TARS1: variants seen among roughly 807,000 people sequenced by gnomAD.
TARS1 encodes the protein threonyl-tRNA synthetase 1, also known as threonine--tRNA ligase 1, cytoplasmic.
A neutral mutation model predicts 97.7 loss-of-function variants in TARS1; 57 were observed. That is an observed-to-expected ratio of 0.58 (90% CI 0.47 to 0.73). The LOEUF (loss-of-function observed/expected upper bound fraction) is 0.73, where lower values mean the gene tolerates loss of function less well. TARS1 is among the 30% of genes least tolerant of loss of function. The probability of loss-of-function intolerance (pLI) is 0.00; values close to 1 mark genes in which losing one functional copy is unlikely to be tolerated. For synonymous variants in TARS1, 312 were observed against 293.7 expected (o/e 1.06, Z -0.64); for missense variants, 806 against 888.3 (o/e 0.91, Z 1.18).
chr5:33,454,285 A>C (rs560647453), intron 4 of TARS1, among the ~76,000 whole-genome samples: 1 of 152,284 alleles, frequency 6.6e-6, no homozygotes, highest in East Asian at 1.9e-4. Context: ...AGTGGTTTTC[A>C]AATGTATTTT....
chr5:33,460,981 G>C lies in TARS1; in HGVS notation c.1330G>C (p.Glu444Gln). ...LADFGVLHRN[E>Q]LSGALTGLTR... ...TGATTTTGGGGTACTTCATAGGAAC[G>C]AGCTGTCTGGAGCACTCACAGGACT... The change falls in exon 12 of 19, where the codon GAG (glutamate) becomes CAG (glutamine). Residue 444 changes from glutamate to glutamine, a missense_variant. Glu to Gln is a conservative substitution (Grantham distance 29). Coordinates refer to ENST00000265112, the MANE Select transcript of TARS1 (RefSeq NM_152295.5). 1 of 1,614,076 alleles carries C rather than the reference G, an allele frequency of 6.2e-7. No individual in the cohort carries two copies. Among genetic ancestry groups the C allele is most frequent in the Non-Finnish European group, 8.5e-7 (1 of 1,180,018 alleles).
At chr5:33,446,483 A>G (rs912200807) in intron 2 of TARS1, 12 of 387,904 alleles carry the variant, frequency 3.1e-5, no homozygotes, top group East Asian at 2.9e-4. Context: ...GACAAAGAGT[A>G]TAATTAGAAG....
chr5:33,458,119 C>T (rs1305736366), intron 9 of TARS1, among the ~76,000 whole-genome samples: 3 of 152,158 alleles, frequency 2.0e-5, no homozygotes, highest in Non-Finnish European at 4.4e-5. Flanking sequence ...CAAAGTCAGC[C>T]AACTTTACCA....
Position 33,449,314 on chromosome 5 carries a change from T to C in TARS1, c.329+583T>C, listed in dbSNP as rs1050723091. Among the ~76,000 whole-genome samples the C allele has an allele frequency of 8.4e-5, 12 of 142,994 alleles. 1 individual carries two copies. The highest frequency in any genetic ancestry group is 1.3e-4 in the African/African-American group (5 of 37,194). 93.8% of individuals were successfully genotyped at this position (142,994 alleles called of 152,430 possible). A position where few individuals can be genotyped will look rare whatever the true frequency, so the allele number is the denominator to read the frequency against. ...AATAAGAGTTGGTAAAACATATATA[T>C]GTGTATATATATACGCGTATATATA... On this transcript the variant is annotated intron_variant, in intron 3 of 18. Coordinates refer to ENST00000265112, the MANE Select transcript of TARS1 (RefSeq NM_152295.5).
intron 9 of TARS1, 40 bp from the exon 10 acceptor site, chr5:33,458,526 G>A (rs566059933): frequency 5.2e-6 from 8 of 1,546,532 alleles, no homozygotes; most frequent in South Asian, 4.5e-5. Context: ...ACACGTATAC[G>A]TGACGTACAT....
At chr5:33,445,790 GA>G (rs1040543448) in intron 2 of TARS1, among the ~76,000 whole-genome samples, 1 of 152,166 alleles carries the variant, frequency 6.6e-6, no homozygotes, top group African/African-American at 2.4e-5. Flanking sequence ...TGAATACAAT[GA>G]AAACCAAAGA....
In TARS1 at chr5:33,461,044, A is replaced by T. The variant is rs1412444954; in HGVS notation, c.1393A>T (p.Ile465Leu). 6.2e-7 allele frequency: 1 copy of T among 1,614,168 alleles called. No individual in the cohort carries two copies. ...AAGATTCCAACAGGATGATGCTCAC[A>T]TATTCTGTGCCATGGAGCAGGTATG... ...VRRFQQDDAH[I>L]FCAMEQIEDE... Residue 465 changes from isoleucine to leucine, a missense_variant, in exon 12 of 19, where the codon ATA becomes TTA. Physicochemically the swap from Ile to Leu is conservative, Grantham distance 5. Around this residue, in one of 3 missense-constraint regions of TARS1, gnomAD observed 446 missense variants for 511.0 expected, o/e 0.87. Coordinates refer to ENST00000265112, the MANE Select transcript of TARS1 (RefSeq NM_152295.5).
At position 33,458,544 on chromosome 5, in the gene TARS1, C is replaced by A. The variant is rs372948637; in HGVS notation, c.985-22C>A. ...CGTATACGTGACGTACATAAACATT[C>A]TTTTGCTTTTCTTTTACCCAGGACC... is the stretch of plus-strand genomic sequence containing the variant. On this transcript the variant is annotated intron_variant, in intron 9 of 18. Transcript: ENST00000265112. The A allele has an allele frequency of 5.0e-6, 8 of 1,598,844 alleles. No homozygotes were observed. The East Asian group carries it at 6.7e-5, about 13-fold the overall frequency.
intron 9 of TARS1, 50 bp downstream of exon 9, chr5:33,457,453 T>C: frequency 6.3e-7 from 1 of 1,575,062 alleles, no homozygotes; most frequent in South Asian, 1.2e-5. Flanking sequence ...TTCAACTTCA[T>C]TTGAAGTTTG....
chr5:33,451,215 C>T (rs1230654481), intron 3 of TARS1, among the ~76,000 whole-genome samples: 1 of 152,090 alleles, frequency 6.6e-6, no homozygotes, highest in Non-Finnish European at 1.5e-5. Flanking sequence ...GAAATTTTTA[C>T]AAAAGTCCAG....
chr5:33,445,475 C>G (rs561544600), intron 2 of TARS1, 71 bp downstream of exon 2: 66 of 1,328,848 alleles, frequency 5.0e-5, no homozygotes, highest in Non-Finnish European at 7.1e-5. Context: ...CTGAGACTTT[C>G]CTAATGTGTA....
At chr5:33,457,601 G>T (rs552730316) in intron 9 of TARS1, among the ~76,000 whole-genome samples, 198 bp downstream of exon 9, 148 of 152,252 alleles carry the variant, frequency 9.7e-4, no homozygotes, top group African/African-American at 3.5e-3. Flanking sequence ...GCTCAGTACC[G>T]CACAAAAATG....
intron 17 of TARS1, among the ~76,000 whole-genome samples, chr5:33,464,113 A>G (rs1294838706): frequency 6.6e-6 from 1 of 152,204 alleles, no homozygotes; most frequent in Non-Finnish European, 1.5e-5. Context: ...GTGCAGTAGT[A>G]CAGTCATGGC....
chr5:33,443,315 CT>C (rs1318223270), intron 1 of TARS1, among the ~76,000 whole-genome samples: 5 of 122,416 alleles, frequency 4.1e-5, no homozygotes, highest in African/African-American at 1.7e-4. Context: ...CCCTCTCTCT[CT>C]CTCCCTCTCT....
Position 33,445,368 on chromosome 5 carries a change from G to A in TARS1, c.102G>A (p.Lys34=). The change falls in exon 2 of 19, where the codon AAG becomes AAA. Residue 34 remains lysine (K), a synonymous_variant. Coordinates refer to ENST00000265112, the MANE Select transcript of TARS1 (RefSeq NM_152295.5). ...AGCAAAAGGAAGGAGGCAAAAAGAA[G>A]AACAAAGAAGGATCTGGAGATGGAG... ...EEKQKEGGKK[K]NKEGSGDGGR... The A allele has an allele frequency of 6.2e-7, 1 of 1,613,334 alleles. No individual in the cohort carries two copies. The highest frequency in any genetic ancestry group is 8.5e-7 in the Non-Finnish European group (1 of 1,179,520).
At chr5:33,467,457 G>T (rs1742580669) in intron 18 of TARS1, 103 bp from the exon 19 acceptor site, 6 of 1,299,856 alleles carry the variant, frequency 4.6e-6, no homozygotes, top group Non-Finnish European at 5.2e-6. Context: ...CAGAAGCTAT[G>T]GGGTAGGTTT....
At position 33,467,933 on chromosome 5, in the gene TARS1, C is replaced by G; in HGVS notation, c.*225C>G. ...AGCCAATAAAATGATTTTACTCATT[C>G]AGTATCTGAGTACTGGAAGTGAAAC... On this transcript the variant is annotated 3_prime_UTR_variant, in exon 19 of 19. Coordinates refer to ENST00000265112, the MANE Select transcript of TARS1 (RefSeq NM_152295.5). 2.3e-6 allele frequency: 1 copy of G among 444,414 alleles called. No individual in the cohort carries two copies. The highest frequency in any genetic ancestry group is 3.8e-5 in the East Asian group (1 of 26,644). 27.5% of individuals were successfully genotyped at this position (444,414 alleles called of 1,614,324 possible). A position where few individuals can be genotyped will look rare whatever the true frequency, so the allele number is the denominator to read the frequency against.
At chr5:33,461,125 C>G in intron 12 of TARS1, 33 bp from the exon 13 acceptor site, 1 of 1,602,786 alleles carries the variant, frequency 6.2e-7, no homozygotes. Flanking sequence ...AGGAAAATAA[C>G]TACTGTTTCT....
intron 5 of TARS1, 83 bp downstream of exon 5, chr5:33,455,149 G>A: frequency 6.6e-7 from 1 of 1,524,170 alleles, no homozygotes; most frequent in East Asian, 2.3e-5. Flanking sequence ...AGTAAGGGAG[G>A]AATGATATAG....
Sources: gnomAD v4.1 joint callset for allele counts (sites outside exome capture counted in the v4.1 genomes callset) on GRCh38, gnomAD v4.1.1 for gene constraint, gnomAD v4.1.1 regional missense constraint, MANE v1.5 for transcripts, NCBI Gene and HGNC (gene_info 2026-07-23, HGNC 2026-07-21) for gene names.